Variants in DGLUCY observed in about 807,000 individuals in gnomAD.
DGLUCY encodes the protein D-glutamate cyclase, mitochondrial.
Under a neutral mutation model 58.5 loss-of-function variants are expected in DGLUCY, and 58 were observed. The observed-to-expected ratio is 0.99, with a 90% CI of 0.80 to 1.23. DGLUCY has a LOEUF of 1.23. Ranked by LOEUF, DGLUCY falls within the 50% of genes most tolerant of loss-of-function variation. The probability of loss-of-function intolerance (pLI) is 0.00; values close to 1 mark genes in which losing one functional copy is unlikely to be tolerated. For synonymous variants in DGLUCY, 325 were observed against 314.1 expected, an observed-to-expected ratio of 1.03 and a Z score of -0.37; for missense variants, 779 against 784.7, an observed-to-expected ratio of 0.99 and a Z score of 0.09.
At chr14:91,076,379 C>T (rs557851112) in intron 1 of DGLUCY, among the ~76,000 whole-genome samples, 2 of 152,266 alleles carry the variant, frequency 1.3e-5, no homozygotes, top group East Asian at 3.9e-4. Context: ...ACTTATAATA[C>T]CTAATACAGT....
intron 1 of DGLUCY, among the ~76,000 whole-genome samples, chr14:91,125,066 T>C (rs186454710): frequency 2.3e-4 from 35 of 152,296 alleles, no homozygotes; most frequent in Non-Finnish European, 3.8e-4. Context: ...TGCCAGCCAA[T>C]TGGGACAAAT....
chr14:91,179,758 A>T (rs2049055737), intron 7 of DGLUCY, among the ~76,000 whole-genome samples: 1 of 152,132 alleles, frequency 6.6e-6, no homozygotes, highest in Admixed American at 6.6e-5. Context: ...CTCCAAAAAA[A>T]AAAAAATATA....
chr14:91,210,035 C>T (rs1885423638), intron 12 of DGLUCY, among the ~76,000 whole-genome samples: 1 of 152,128 alleles, frequency 6.6e-6, no homozygotes, highest in Non-Finnish European at 1.5e-5. Flanking sequence ...AATCCCAGCA[C>T]ATTGAGAGGC....
At chr14:91,118,079 C>G (rs1251044957) in intron 1 of DGLUCY, among the ~76,000 whole-genome samples, 5 of 14,184 alleles carry the variant, frequency 3.5e-4, no homozygotes, top group African/African-American at 1.2e-3. Flanking sequence ...CTCCCCGCCC[C>G]CCCCCCCCCT....
At chr14:91,105,098 C>T (rs1037048284), upstream of DGLUCY, among the ~76,000 whole-genome samples, 11 of 152,088 alleles carry the variant, frequency 7.2e-5, no homozygotes, top group East Asian at 1.9e-4. Flanking sequence ...GAGGATCACA[C>T]GAGGTCAAGA....
At chr14:91,205,791 T>C (rs866345012) in intron 12 of DGLUCY, among the ~76,000 whole-genome samples, 14 of 130,844 alleles carry the variant, frequency 1.1e-4, no homozygotes, top group Non-Finnish European at 1.4e-4. Flanking sequence ...TTCTTCTTCT[T>C]CTTCTCCGTC....
Position 91,183,552 on chromosome 14 carries a change from C to T in DGLUCY, c.934+2163C>T, listed in dbSNP as rs147358540. 5.2e-4 allele frequency among the ~76,000 whole-genome samples: 79 copies of T among 152,256 alleles called. 2 individuals are homozygous for T. In the East Asian group the frequency reaches 0.012, roughly 23 times the overall value. ...ATGCCTGCCTCTCTGGGTTGTGATG[C>T]ATGATAAGGATAATGGTGTCACCTA... On this transcript the variant is annotated intron_variant, in intron 8 of 13. Coordinates refer to ENST00000256324, the MANE Select transcript of DGLUCY (RefSeq NM_001102368.3).
chr14:91,141,333 ACTTCACTCCAG>A (rs2093963974), intron 1 of DGLUCY, among the ~76,000 whole-genome samples: 1 of 151,556 alleles, frequency 6.6e-6, no homozygotes, highest in South Asian at 2.1e-4. Flanking sequence ...AGATTGCACC[ACTTCACTCCAG>A]CCTGGGTGAC....
chr14:91,078,924 G>T (rs2044077170), intron 1 of DGLUCY, among the ~76,000 whole-genome samples: 1 of 51,878 alleles, frequency 1.9e-5, no homozygotes, highest in Admixed American at 1.9e-4. Context: ...TTATTTTTGA[G>T]ACAGAATCTC....
At chr14:91,155,619 C>T (rs1225636885) in intron 1 of DGLUCY, among the ~76,000 whole-genome samples, 2 of 151,816 alleles carry the variant, frequency 1.3e-5, no homozygotes, top group Non-Finnish European at 2.9e-5. Context: ...AGACCAGCCC[C>T]GTCTCTACAA....
chr14:91,176,443 C>G (rs958041573), intron 7 of DGLUCY, among the ~76,000 whole-genome samples: 1 of 152,138 alleles, frequency 6.6e-6, no homozygotes, highest in African/African-American at 2.4e-5. Context: ...CCAGGATGGT[C>G]TCAATCTCCT....
intron 11 of DGLUCY, among the ~76,000 whole-genome samples, chr14:91,201,177 G>A (rs1487130457): frequency 6.6e-6 from 1 of 152,176 alleles, no homozygotes; most frequent in Non-Finnish European, 1.5e-5. Context: ...AGTGTCATCA[G>A]TTAAGGCAGG....
upstream of DGLUCY, among the ~76,000 whole-genome samples, chr14:91,103,838 A>C (rs1230753064): frequency 6.6e-6 from 1 of 151,864 alleles, no homozygotes; most frequent in Non-Finnish European, 1.5e-5. Flanking sequence ...ATATATATAC[A>C]CACACATACA....
chr14:91,183,066 A>G (rs951163028), intron 8 of DGLUCY, among the ~76,000 whole-genome samples: 1 of 151,748 alleles, frequency 6.6e-6, no homozygotes, highest in African/African-American at 2.4e-5. Context: ...ATCTTGGCTC[A>G]CTGTAACCTC....
At chr14:91,111,248 G>GTATATATA (rs779114336), upstream of DGLUCY, among the ~76,000 whole-genome samples, 201 of 81,144 alleles carry the variant, frequency 2.5e-3, 3 homozygotes, top group African/African-American at 8.1e-3. Context: ...GTGTGTGTGT[G>GTATATATA]TATATATCTA....
intron 1 of DGLUCY, among the ~76,000 whole-genome samples, chr14:91,062,805 C>T: frequency 6.6e-6 from 1 of 151,790 alleles, no homozygotes; most frequent in Non-Finnish European, 1.5e-5. Context: ...TAAACCATGA[C>T]TGCCTACTTA....
chr14:91,133,912 A>G (rs762374727), intron 1 of DGLUCY, among the ~76,000 whole-genome samples: 3 of 152,170 alleles, frequency 2.0e-5, no homozygotes, highest in Non-Finnish European at 4.4e-5. Flanking sequence ...GTATCTTTTC[A>G]TGTGCTCAGT....
At chr14:91,193,738 A>G (rs886683884) in intron 9 of DGLUCY, among the ~76,000 whole-genome samples, 4 of 151,156 alleles carry the variant, frequency 2.6e-5, no homozygotes, top group African/African-American at 9.7e-5. Flanking sequence ...GCTACTAGGG[A>G]GGCTGAGGCA....
Position 91,176,460 on chromosome 14 carries a change from G to A in DGLUCY, c.730+404G>A, listed in dbSNP as rs967423962. ...AGGATGGTCTCAATCTCCTGACCTCGTGGTCTGCCCACCTTTGCCTCCCAC... is the reference window on the plus strand; with the variant it reads ...AGGATGGTCTCAATCTCCTGACCTCATGGTCTGCCCACCTTTGCCTCCCAC... On this transcript the variant is annotated intron_variant, in intron 7 of 13. Coordinates refer to ENST00000256324, the MANE Select transcript of DGLUCY (RefSeq NM_001102368.3). Among the ~76,000 whole-genome samples, 4 of 152,008 alleles carry A rather than the reference G, an allele frequency of 2.6e-5. No individual in the cohort carries two copies. In the East Asian group the frequency reaches 7.8e-4, roughly 30 times the overall value.
Sources: gnomAD v4.1 joint callset for allele counts (sites outside exome capture counted in the v4.1 genomes callset) on GRCh38, gnomAD v4.1.1 for gene constraint, MANE v1.5 for transcripts, NCBI Gene and HGNC (gene_info 2026-07-23, HGNC 2026-07-21) for gene names.